The following SPESP1 variants were observed in gnomAD, a reference collection of about 807,000 sequenced individuals.
The protein encoded by SPESP1 is equatorial segment protein.
In SPESP1, 1 loss-of-function variant was observed where a neutral mutation model predicts 3.1. That is an observed-to-expected ratio of 0.33 (90% confidence interval 0.12 to 1.54). The LOEUF (loss-of-function observed/expected upper bound fraction) is 1.54. Ranked by LOEUF, SPESP1 falls within the 40% of genes most tolerant of loss-of-function variation. The probability of loss-of-function intolerance (pLI) is 0.38; values close to 1 mark genes in which losing one functional copy is unlikely to be tolerated. For synonymous variants in SPESP1, 138 were observed against 150.7 expected (o/e 0.92, Z 0.62); for missense variants, 398 against 410.1 (o/e 0.97, Z 0.26).
At chr15:68,941,328 C>T (rs1463023519) in intron 1 of SPESP1, among the ~76,000 whole-genome samples, 1 of 152,024 alleles carries the variant, frequency 6.6e-6, no homozygotes, top group Admixed American at 6.6e-5. Context: ...TTATTATATT[C>T]CTGTATTAGT....
intron 1 of SPESP1, among the ~76,000 whole-genome samples, chr15:68,940,825 G>A (rs1190970034): frequency 3.3e-5 from 5 of 149,378 alleles, no homozygotes; most frequent in South Asian, 2.1e-4. Flanking sequence ...AATACATAAC[G>A]TCGGATTTTT....
intron 1 of SPESP1, among the ~76,000 whole-genome samples, chr15:68,931,140 A>C (rs572509980): frequency 1.8e-4 from 27 of 152,008 alleles, no homozygotes; most frequent in African/African-American, 6.0e-4. Flanking sequence ...CACAGCGTGC[A>C]GGTTTGTTAC....
At chr15:68,933,433 T>C (rs953058868) in intron 1 of SPESP1, among the ~76,000 whole-genome samples, 20 of 152,204 alleles carry the variant, frequency 1.3e-4, no homozygotes, top group Non-Finnish European at 1.3e-4. Flanking sequence ...ACCTGATTTT[T>C]CCATAGTTTT....
At chr15:68,934,199 T>C (rs2140418433) in intron 1 of SPESP1, among the ~76,000 whole-genome samples, 1 of 152,288 alleles carries the variant, frequency 6.6e-6, no homozygotes, top group Middle Eastern at 3.4e-3. Context: ...ACAAAAGCTC[T>C]TATTTCTAGA....
rs1471397552 is a variant in SPESP1 at position 68,938,378 on chromosome 15, T to C, written c.65-7221T>C. On this transcript the variant is annotated intron_variant, in intron 1 of 1. Transcript: ENST00000310673. ...TATTTCTGTGTGAACGGGATGTATTTTTTTGTAAGTCATTGATTGTCAGTT... is the reference window on the plus strand; with the variant it reads ...TATTTCTGTGTGAACGGGATGTATTCTTTTGTAAGTCATTGATTGTCAGTT... Among the ~76,000 whole-genome samples the C allele has an allele frequency of 5.9e-5, 9 of 152,214 alleles. No individual in the cohort carries two copies. The East Asian group carries it at 1.7e-3, about 29-fold the overall frequency.
At chr15:68,944,265 G>A (rs2140428344) in intron 1 of SPESP1, among the ~76,000 whole-genome samples, 1 of 150,252 alleles carries the variant, frequency 6.7e-6, no homozygotes, top group South Asian at 2.1e-4. Context: ...GAAATGAGAG[G>A]CTTTACTGCT....
intron 1 of SPESP1, among the ~76,000 whole-genome samples, chr15:68,935,071 A>T (rs1895649380): frequency 6.6e-6 from 1 of 152,236 alleles, no homozygotes; most frequent in African/African-American, 2.4e-5. Context: ...AGTGCCTGCG[A>T]TACATACTAG....
chr15:68,936,002 C>A (rs891538827), intron 1 of SPESP1, among the ~76,000 whole-genome samples: 2 of 152,136 alleles, frequency 1.3e-5, no homozygotes, highest in African/African-American at 4.8e-5. Flanking sequence ...GTTATTAATT[C>A]TTACTTTAGT....
intron 1 of SPESP1, among the ~76,000 whole-genome samples, chr15:68,932,445 C>T (rs1895571011): frequency 6.8e-6 from 1 of 148,116 alleles, no homozygotes; most frequent in African/African-American, 2.5e-5. Flanking sequence ...GACTAGAGTG[C>T]AGTGGCCCGA....
intron 1 of SPESP1, among the ~76,000 whole-genome samples, chr15:68,934,573 G>A (rs1024657753): frequency 6.6e-6 from 1 of 152,124 alleles, no homozygotes. Context: ...TTCTGTGGGG[G>A]AGTAGCAGGA....
chr15:68,931,877 C>T (rs978310957), intron 1 of SPESP1, among the ~76,000 whole-genome samples: 1 of 152,102 alleles, frequency 6.6e-6, no homozygotes, highest in Non-Finnish European at 1.5e-5. Flanking sequence ...TACAATTTAA[C>T]AGGTGTAAAA....
chr15:68,946,585 TAAAC>T lies in SPESP1; in HGVS notation c.*1_*4del, dbSNP rs770894742. 2 of 1,445,694 alleles carry T rather than the reference TAAAC, an allele frequency of 1.4e-6. No individual in the cohort carries two copies. The highest frequency in any genetic ancestry group is 1.8e-5 in the South Asian group (1 of 56,348). The allele number at this position is 1,445,694 out of a possible 1,614,324, so 89.6% of individuals were successfully genotyped here. Reference sequence around the variant, plus strand: ...AGTCACAGCCTTATTAAAAGTTTATTAAACAATAATATAAAAATTTTAAACCTAC... The same window carrying T: ...AGTCACAGCCTTATTAAAAGTTTATTAATAATATAAAAATTTTAAACCTAC... On this transcript the variant is annotated stop_retained_variant and 3_prime_UTR_variant, in exon 2 of 2. Coordinates refer to ENST00000310673, the MANE Select transcript of SPESP1 (RefSeq NM_145658.4).
chr15:68,942,869 A>G lies in SPESP1; in HGVS notation c.65-2730A>G, dbSNP rs568157526. 5.3e-5 allele frequency among the ~76,000 whole-genome samples: 8 copies of G among 152,306 alleles called. No homozygotes were observed. In the East Asian group the frequency reaches 1.3e-3, roughly 26 times the overall value. On this transcript the variant is annotated intron_variant, in intron 1 of 1. Transcript: ENST00000310673. ...ATATTTTATTTTCACTGCACAAGGC[A>G]TATTCATTTTACTCAATTATTTTCC...
intron 1 of SPESP1, among the ~76,000 whole-genome samples, chr15:68,931,938 A>C (rs921945951): frequency 3.9e-5 from 6 of 152,356 alleles, no homozygotes; most frequent in Middle Eastern, 3.4e-3. Context: ...CAGAATTGCT[A>C]AACGATCTTA....
chr15:68,945,811 C>G lies in SPESP1; in HGVS notation c.277C>G (p.Pro93Ala). 1 of 1,613,924 alleles carries G rather than the reference C, an allele frequency of 6.2e-7. No homozygotes were observed. Among genetic ancestry groups the G allele is most frequent in the Non-Finnish European group, 8.5e-7 (1 of 1,179,962 alleles). Residue 93 changes from proline (P) to alanine (A), a missense_variant, in exon 2 of 2, where the codon CCT (proline) becomes GCT (alanine). Coordinates refer to ENST00000310673, the MANE Select transcript of SPESP1 (RefSeq NM_145658.4). ...AACTGAGAATGATGTTTTAACCAAT[C>G]CTATCAGTGAAGAAACTACAACTTT... ...ASTENDVLTN[P>A]ISEETTTFPT...
At chr15:68,934,580 A>G (rs1425750502) in intron 1 of SPESP1, among the ~76,000 whole-genome samples, 3 of 152,174 alleles carry the variant, frequency 2.0e-5, no homozygotes, top group Non-Finnish European at 4.4e-5. Context: ...GGGGAGTAGC[A>G]GGAAGTTTCA....
At position 68,946,789 on chromosome 15, in the gene SPESP1, T is replaced by A; in HGVS notation, c.*202T>A. The A allele has an allele frequency of 3.3e-6, 2 of 606,504 alleles. No individual in the cohort carries two copies. Among genetic ancestry groups the A allele is most frequent in the Non-Finnish European group, 4.6e-6 (2 of 434,598 alleles). 37.6% of individuals were successfully genotyped at this position (606,504 alleles called of 1,614,324 possible). A position where few individuals can be genotyped will look rare whatever the true frequency, so the allele number is the denominator to read the frequency against. ...TTTCATATGCACTAAAAACCTAATT[T>A]AAAATAAAATTTTGGTTCAGGAGTT... On this transcript the variant is annotated 3_prime_UTR_variant, in exon 2 of 2. Coordinates refer to ENST00000310673, the MANE Select transcript of SPESP1 (RefSeq NM_145658.4).
rs919598927 is a variant in SPESP1, at chr15:68,930,697, C to T, written c.44C>T (p.Ser15Leu). The change falls in exon 1 of 2, where the codon TCG becomes TTG. Residue 15 changes from serine to leucine, a missense_variant. Physicochemically the swap from Ser to Leu is moderately radical, Grantham distance 145. Coordinates refer to ENST00000310673, the MANE Select transcript of SPESP1 (RefSeq NM_145658.4). ...CTAGTTGCGCTTTTGCTATGGCCTT[C>T]GTCTGTGCCGGCTTATCCGAGTGAG... ...VLLVALLLWPSSVPAYPSITV... is the reference protein window; with the variant it reads ...VLLVALLLWPLSVPAYPSITV... 3 of 1,614,014 alleles carry T rather than the reference C, an allele frequency of 1.9e-6. No homozygotes were observed. The highest frequency in any genetic ancestry group is 1.7e-6 in the Non-Finnish European group (2 of 1,179,896).
At position 68,939,555 on chromosome 15, in the gene SPESP1, A is replaced by G. The variant is rs549311377; in HGVS notation, c.65-6044A>G. Among the ~76,000 whole-genome samples, 5 of 152,348 alleles carry G rather than the reference A, an allele frequency of 3.3e-5. No individual in the cohort carries two copies. In the East Asian group the frequency reaches 9.6e-4, roughly 29 times the overall value. ...GCAGACCTGATTAGTAGAACTGAGAAGGTCAACATGAAATAGGGAGATGTT... is the reference window on the plus strand; with the variant it reads ...GCAGACCTGATTAGTAGAACTGAGAGGGTCAACATGAAATAGGGAGATGTT... On this transcript the variant is annotated intron_variant, in intron 1 of 1. Coordinates refer to ENST00000310673, the MANE Select transcript of SPESP1 (RefSeq NM_145658.4).
Sources: gnomAD v4.1 joint callset for allele counts (sites outside exome capture counted in the v4.1 genomes callset) on GRCh38, gnomAD v4.1.1 for gene constraint, MANE v1.5 for transcripts, NCBI Gene and HGNC (gene_info 2026-07-23, HGNC 2026-07-21) for gene names.